The following VPS33A variants were observed in gnomAD, a reference collection of about 807,000 sequenced individuals.
VPS33A encodes the protein vacuolar protein sorting-associated protein 33A.
Under a neutral mutation model 71.8 loss-of-function variants are expected in VPS33A, and 32 were observed. That is an observed-to-expected ratio of 0.45 (90% confidence interval 0.34 to 0.60). The LOEUF is 0.60. Among genes scored for constraint, VPS33A ranks in the 20% least tolerant of loss-of-function variants. The pLI is 0.02. For missense variants in VPS33A, 625 were observed against 748.5 expected, an observed-to-expected ratio of 0.84 and a Z score of 1.92; for synonymous variants, 311 against 292.7, an observed-to-expected ratio of 1.06 and a Z score of -0.64.
chr12:122,253,921 A>AC (rs1253298554), intron 4 of VPS33A, among the ~76,000 whole-genome samples: 1 of 152,006 alleles, frequency 6.6e-6, no homozygotes, highest in Non-Finnish European at 1.5e-5. Flanking sequence ...CTGGTCTCGA[A>AC]CCCCTAACCT....
At chr12:122,235,694 C>A in intron 11 of VPS33A, 92 bp downstream of exon 11, 1 of 1,450,410 alleles carries the variant, frequency 6.9e-7, no homozygotes, top group South Asian at 1.5e-5. Flanking sequence ...TTTCAGAAAG[C>A]AAGGCAGATG....
chr12:122,245,103 T>C (rs1954760377), intron 6 of VPS33A, among the ~76,000 whole-genome samples: 1 of 152,136 alleles, frequency 6.6e-6, no homozygotes, highest in Admixed American at 6.6e-5. Flanking sequence ...TCATGTTCCA[T>C]TAGTGGATCA....
chr12:122,244,148 C>T (rs186005734), intron 7 of VPS33A, among the ~76,000 whole-genome samples: 2 of 152,242 alleles, frequency 1.3e-5, no homozygotes, highest in East Asian at 3.9e-4. Flanking sequence ...TCATTATCAC[C>T]TGCCACACGT....
chr12:122,243,467 G>A (rs1012719276), intron 7 of VPS33A, among the ~76,000 whole-genome samples: 1 of 152,084 alleles, frequency 6.6e-6, no homozygotes, highest in African/African-American at 2.4e-5. Context: ...TAGGACTTCT[G>A]GGCTCAAGCG....
Position 122,238,720 on chromosome 12 carries a change from T to C in VPS33A, c.1169A>G (p.Asn390Ser). 1 of 1,612,870 alleles carries C rather than the reference T, an allele frequency of 6.2e-7. No individual in the cohort carries two copies. The highest frequency in any genetic ancestry group is 8.5e-7 in the Non-Finnish European group (1 of 1,179,758). ...FMSGIDTDKV[N>S]NYIEDCIAQK... ...GGCGATACAATCCTCAATGTAATTG[T>C]TGACCTGGAAATAAAGTAGCATACA... is the stretch of plus-strand genomic sequence containing the variant. The change falls in exon 10 of 13, where the codon AAC becomes AGC. Residue 390 changes from asparagine (N) to serine (S), a missense_variant. Asn to Ser is a conservative substitution (Grantham distance 46). Transcript: ENST00000267199.
At chr12:122,262,414 A>G (rs1256214108) in intron 3 of VPS33A, among the ~76,000 whole-genome samples, 2 of 152,188 alleles carry the variant, frequency 1.3e-5, no homozygotes, top group Non-Finnish European at 1.5e-5. Context: ...TGCAGCCACA[A>G]AGAGTCTTAA....
chr12:122,232,941 T>C lies in VPS33A; in HGVS notation c.1468A>G (p.Ser490Gly), dbSNP rs766699784. 6.2e-7 allele frequency: 1 copy of C among 1,613,338 alleles called. No individual in the cohort carries two copies. The highest frequency in any genetic ancestry group is 8.5e-7 in the Non-Finnish European group (1 of 1,179,740). The change falls in exon 12 of 13, where the codon AGT (serine) becomes GGT (glycine). Residue 490 changes from serine to glycine, a missense_variant. Transcript: ENST00000267199. ...QNPTDISYVYSGYAPLSVRLA... is the reference protein window; with the variant it reads ...QNPTDISYVYGGYAPLSVRLA... ...CGCACACTGAGCGGGGCATACCCAC[T>C]GTACACATACGATATGTCCGTGGGG...
intron 4 of VPS33A, among the ~76,000 whole-genome samples, chr12:122,255,274 A>T (rs990239717): frequency 2.6e-5 from 4 of 152,214 alleles, no homozygotes; most frequent in Non-Finnish European, 5.9e-5. Flanking sequence ...CCAGAAGATA[A>T]GTGGTGGATA....
intron 6 of VPS33A, 101 bp from the exon 7 acceptor site, chr12:122,244,863 G>C (rs941238414): frequency 1.4e-5 from 17 of 1,219,304 alleles, no homozygotes; most frequent in Non-Finnish European, 1.9e-5. Flanking sequence ...GGAGAAAATG[G>C]AAGACGGCAA....
Position 122,261,398 on chromosome 12 carries a change from G to T in VPS33A, c.346C>A (p.Arg116Ser). 1.9e-6 allele frequency: 3 copies of T among 1,613,784 alleles called. No individual in the cohort carries two copies. The highest frequency in any genetic ancestry group is 2.5e-6 in the Non-Finnish European group (3 of 1,179,932). Residue 116 changes from arginine (R) to serine (S), a missense_variant, in exon 4 of 13, where the codon CGC (arginine) becomes AGC (serine). Arg to Ser is a moderately radical substitution (Grantham distance 110, BLOSUM62 -1). Transcript: ENST00000267199. ...CGCTGTTCGCACAACAGGCTACGGC[G>T]TGGCACAAACAGAATATGAAAATCT... Reference protein sequence around the residue: ...TRDFHILFVPRRSLLCEQRLK... With the variant: ...TRDFHILFVPSRSLLCEQRLK...
intron 4 of VPS33A, among the ~76,000 whole-genome samples, chr12:122,256,797 C>G (rs1047469980): frequency 2.6e-5 from 4 of 152,132 alleles, no homozygotes; most frequent in Non-Finnish European, 5.9e-5. Context: ...CAGGCTCATT[C>G]TCGGCAGCAC....
chr12:122,233,481 C>A (rs1954591317), intron 11 of VPS33A, among the ~76,000 whole-genome samples: 1 of 152,162 alleles, frequency 6.6e-6, no homozygotes, highest in African/African-American at 2.4e-5. Flanking sequence ...CTGCCTCGGC[C>A]TCCCAAAGTG....
chr12:122,246,209 T>C (rs943133916), intron 6 of VPS33A, among the ~76,000 whole-genome samples: 5 of 152,210 alleles, frequency 3.3e-5, no homozygotes, highest in Admixed American at 1.3e-4. Context: ...AAAAATCTTA[T>C]GTAGGCTGGG....
At chr12:122,249,753 T>C (rs948839105) in intron 6 of VPS33A, 118 bp downstream of exon 6, 44 of 1,062,684 alleles carry the variant, frequency 4.1e-5, no homozygotes, top group Middle Eastern at 3.2e-4. Context: ...CTCTGAATCA[T>C]TAAAATCGGA....
Position 122,231,754 on chromosome 12 carries a change from T to C in VPS33A, c.*492A>G, listed in dbSNP as rs1593190574. The C allele has an allele frequency of 3.0e-5, 6 of 198,966 alleles. No individual in the cohort carries two copies. In the East Asian group the frequency reaches 6.5e-4, roughly 21 times the overall value. The allele number at this position is 198,966 out of a possible 1,614,324, so 12.3% of individuals were successfully genotyped here. A position where few individuals can be genotyped will look rare whatever the true frequency, so the allele number is the denominator to read the frequency against. Reference sequence around the variant, plus strand: ...TACTCAGGTTGATTTTCTTCTATTCTTCTTTCTTCAGCAGATTAGGGGCCA... The same window carrying C: ...TACTCAGGTTGATTTTCTTCTATTCCTCTTTCTTCAGCAGATTAGGGGCCA... On this transcript the variant is annotated 3_prime_UTR_variant, in exon 13 of 13. Coordinates refer to ENST00000267199, the MANE Select transcript of VPS33A (RefSeq NM_022916.6).
Position 122,232,985 on chromosome 12 carries a change from G to A in VPS33A, c.1441-17C>T. 1 of 1,575,374 alleles carries A rather than the reference G, an allele frequency of 6.3e-7. No homozygotes were observed. Among genetic ancestry groups the A allele is most frequent in the Non-Finnish European group, 8.6e-7 (1 of 1,157,592 alleles). On this transcript the variant is annotated splice_polypyrimidine_tract_variant and intron_variant, in intron 11 of 12. Coordinates refer to ENST00000267199, the MANE Select transcript of VPS33A (RefSeq NM_022916.6). ...CGTGGGGTTCTGTGAGATAATTAAA[G>A]AACAAAAACCCTATAGATACAGAGA...
intron 1 of VPS33A, 45 bp downstream of exon 1, chr12:122,266,262 G>T (rs1157927093): frequency 1.3e-6 from 2 of 1,599,296 alleles, no homozygotes; most frequent in Non-Finnish European, 1.7e-6. Flanking sequence ...AAACCAGGCC[G>T]GACCAGGGGA....
At chr12:122,242,634 C>A (rs1400863215) in intron 7 of VPS33A, 126 bp from the exon 8 acceptor site, 1 of 1,191,950 alleles carries the variant, frequency 8.4e-7, no homozygotes, top group Non-Finnish European at 1.1e-6. Flanking sequence ...CTCACTGCAA[C>A]CTCCGCCTCC....
Position 122,229,824 on chromosome 12 carries a change from T to C in VPS33A, c.*2422A>G, listed in dbSNP as rs1043663343. The C allele has an allele frequency of 1.3e-5, 2 of 152,246 alleles. No individual in the cohort carries two copies. Among genetic ancestry groups the C allele is most frequent in the Non-Finnish European group, 2.9e-5 (2 of 68,050 alleles). 9.4% of individuals were successfully genotyped at this position (152,246 alleles called of 1,614,324 possible). A position where few individuals can be genotyped will look rare whatever the true frequency, so the allele number is the denominator to read the frequency against. On this transcript the variant is annotated 3_prime_UTR_variant, in exon 13 of 13. Coordinates refer to ENST00000267199, the MANE Select transcript of VPS33A (RefSeq NM_022916.6). The stretch of plus-strand genomic sequence containing the variant: ...ATGAAGCAATTGAAGTTTTTCAGTC[T>C]TCTGCTGAATGCATTTTTAGGAGCT...
Sources: allele counts gnomAD v4.1 joint callset (sites outside exome capture counted in the v4.1 genomes callset), GRCh38; gene constraint gnomAD v4.1.1; transcripts MANE v1.5; gene names NCBI Gene and HGNC (gene_info 2026-07-23, HGNC 2026-07-21).